CDKAL1: variants seen among roughly 807,000 people sequenced by gnomAD.
CDKAL1 encodes CDKAL1 threonylcarbamoyladenosine tRNA methylthiotransferase.
In CDKAL1, 32 loss-of-function variants were observed where a neutral mutation model predicts 68.2. The ratio of observed to expected loss-of-function variants is 0.47; its 90% CI spans 0.35 to 0.63. The LOEUF (loss-of-function observed/expected upper bound fraction) is 0.63, where lower values mean the gene tolerates loss of function less well. CDKAL1 is among the 30% of genes least tolerant of loss of function. The pLI is 0.00. For synonymous variants in CDKAL1, 234 were observed against 244.3 expected (o/e 0.96, Z 0.39); for missense variants, 606 against 696.7 (o/e 0.87, Z 1.47).
intron 12 of CDKAL1, among the ~76,000 whole-genome samples, chr6:21,096,319 T>C (rs1345697177): frequency 6.6e-6 from 1 of 152,182 alleles, no homozygotes; most frequent in African/African-American, 2.4e-5. Flanking sequence ...CTTTTTCCCT[T>C]GGGTGCGATG....
intron 13 of CDKAL1, among the ~76,000 whole-genome samples, chr6:21,185,909 A>G (rs1347924317): frequency 1.3e-5 from 2 of 152,188 alleles, no homozygotes; most frequent in Admixed American, 6.5e-5. Flanking sequence ...TGAGGAAGCT[A>G]CATTTTCACA....
At chr6:20,697,024 C>T (rs190267397) in intron 5 of CDKAL1, among the ~76,000 whole-genome samples, 2 of 152,142 alleles carry the variant, frequency 1.3e-5, no homozygotes, top group Non-Finnish European at 2.9e-5. Flanking sequence ...CATTGCTGGT[C>T]ACTATATAGA....
At chr6:20,670,070 A>G (rs1194195709) in intron 5 of CDKAL1, among the ~76,000 whole-genome samples, 1 of 152,168 alleles carries the variant, frequency 6.6e-6, no homozygotes, top group Admixed American at 6.6e-5. Context: ...TCTGCTCTTT[A>G]ACAGTGAAAA....
At chr6:21,110,028 G>T (rs1439183374) in intron 13 of CDKAL1, among the ~76,000 whole-genome samples, 1 of 152,066 alleles carries the variant, frequency 6.6e-6, no homozygotes, top group Non-Finnish European at 1.5e-5. Flanking sequence ...AGATTATTTT[G>T]GCTTCCCTTC....
At chr6:20,840,016 A>G (rs1778111325) in intron 8 of CDKAL1, among the ~76,000 whole-genome samples, 1 of 152,224 alleles carries the variant, frequency 6.6e-6, no homozygotes, top group African/African-American at 2.4e-5. Flanking sequence ...CTTACACAGA[A>G]TAAGTCAGTG....
intron 13 of CDKAL1, among the ~76,000 whole-genome samples, chr6:21,140,981 G>T (rs921587080): frequency 6.6e-6 from 1 of 152,100 alleles, no homozygotes; most frequent in African/African-American, 2.4e-5. Context: ...CAGATCTCAT[G>T]AGACTTATTC....
At chr6:21,209,962 G>A (rs997491862) in intron 15 of CDKAL1, among the ~76,000 whole-genome samples, 9 of 152,152 alleles carry the variant, frequency 5.9e-5, no homozygotes, top group Non-Finnish European at 1.2e-4. Context: ...TATCAATGAC[G>A]AGTATGACAC....
At chr6:21,192,217 T>C (rs1378985943) in intron 13 of CDKAL1, among the ~76,000 whole-genome samples, 9 of 149,674 alleles carry the variant, frequency 6.0e-5, no homozygotes, top group African/African-American at 2.0e-4. Context: ...GAGACGGGGT[T>C]TCACCTTGTT....
At chr6:21,090,805 C>CTTT (rs67647227) in intron 12 of CDKAL1, among the ~76,000 whole-genome samples, 11 of 132,606 alleles carry the variant, frequency 8.3e-5, no homozygotes, top group African/African-American at 1.7e-4. Flanking sequence ...TTTCTTTTTT[C>CTTT]TTTTTTTTTT....
intron 9 of CDKAL1, among the ~76,000 whole-genome samples, chr6:20,925,723 G>A (rs776712656): frequency 1.4e-4 from 22 of 152,132 alleles, no homozygotes; most frequent in Non-Finnish European, 2.8e-4. Context: ...TAGACTTACC[G>A]ATAAATGATA....
intron 9 of CDKAL1, among the ~76,000 whole-genome samples, chr6:20,859,354 C>T (rs1759496487): frequency 6.6e-6 from 1 of 152,076 alleles, no homozygotes; most frequent in African/African-American, 2.4e-5. Flanking sequence ...ATCTGGAAGC[C>T]ACCTGGCTTT....
chr6:21,194,595 T>A (rs1778392278), intron 13 of CDKAL1, among the ~76,000 whole-genome samples: 1 of 152,194 alleles, frequency 6.6e-6, no homozygotes. Flanking sequence ...GAGGCACTGT[T>A]TGGATATGGC....
Position 20,649,365 on chromosome 6 carries a change from G to A in CDKAL1, c.359G>A (p.Arg120Lys). 2.5e-6 allele frequency: 4 copies of A among 1,588,624 alleles called. No homozygotes were observed. The highest frequency in any genetic ancestry group is 3.4e-6 in the Non-Finnish European group (4 of 1,162,732). Residue 120 changes from arginine (R) to lysine (K), a missense_variant, in exon 5 of 16, where the codon AGA becomes AAA. Physicochemically the swap from Arg to Lys is conservative, Grantham distance 26. Coordinates refer to ENST00000274695, the MANE Select transcript of CDKAL1 (RefSeq NM_017774.3). ...AAAAACCCAGCTGAAGACCACTTTA[G>A]AAACTCAATTAAGTAAGTAGAAATT... ...TVKNPAEDHF[R>K]NSIKKAQEEN...
intron 12 of CDKAL1, among the ~76,000 whole-genome samples, chr6:21,085,423 A>C (rs1432697194): frequency 6.6e-6 from 1 of 152,186 alleles, no homozygotes; most frequent in African/African-American, 2.4e-5. Flanking sequence ...TCCAGAAAGG[A>C]AGAGGAAGTA....
chr6:20,757,962 A>G (rs1774296529), intron 6 of CDKAL1, among the ~76,000 whole-genome samples: 1 of 152,012 alleles, frequency 6.6e-6, no homozygotes, highest in Non-Finnish European at 1.5e-5. Flanking sequence ...TCATAACCCC[A>G]GGAGTCATCC....
intron 9 of CDKAL1, among the ~76,000 whole-genome samples, chr6:20,880,892 G>A (rs1257665399): frequency 6.6e-6 from 1 of 152,196 alleles, no homozygotes; most frequent in African/African-American, 2.4e-5. Flanking sequence ...CAGATGGCTT[G>A]AATGTGTTGG....
chr6:20,663,401 T>G (rs9460546), intron 5 of CDKAL1, among the ~76,000 whole-genome samples: 60,113 of 151,822 alleles, frequency 0.4, 13,034 homozygotes, highest in African/African-American at 0.58. Flanking sequence ...ATTTATCAGG[T>G]CCATTGTATT....
At chr6:20,776,786 A>G (rs1285253946) in intron 7 of CDKAL1, among the ~76,000 whole-genome samples, 6 of 152,210 alleles carry the variant, frequency 3.9e-5, no homozygotes, top group Non-Finnish European at 8.8e-5. Flanking sequence ...TTATTCATGA[A>G]AAAACTGAAC....
intron 11 of CDKAL1, among the ~76,000 whole-genome samples, chr6:21,025,832 C>T (rs1032633928): frequency 3.9e-5 from 6 of 151,960 alleles, no homozygotes; most frequent in African/African-American, 7.2e-5. Context: ...TTTATATTAT[C>T]GACATGGTAC....
Sources: allele counts gnomAD v4.1 joint callset (sites outside exome capture counted in the v4.1 genomes callset), GRCh38; gene constraint gnomAD v4.1.1; transcripts MANE v1.5; gene names NCBI Gene and HGNC (gene_info 2026-07-23, HGNC 2026-07-21).